The following TM6SF1 variants were observed in gnomAD, a reference collection of about 807,000 sequenced individuals.
The protein encoded by TM6SF1 is transmembrane 6 superfamily member 1.
Under a neutral mutation model 47.1 loss-of-function variants are expected in TM6SF1, and 43 were observed. That is an observed-to-expected ratio of 0.91 (90% CI 0.72 to 1.18). TM6SF1 has a LOEUF of 1.18. Ranked by LOEUF, TM6SF1 falls within the 50% of genes most tolerant of loss-of-function variation. TM6SF1 has a pLI of 0.00. For synonymous variants in TM6SF1, 177 were observed against 166.3 expected (o/e 1.06, Z -0.49); for missense variants, 390 against 449.0 (o/e 0.87, Z 1.19).
intron 3 of TM6SF1, among the ~76,000 whole-genome samples, chr15:83,117,506 G>A (rs148979817): frequency 6.6e-6 from 1 of 152,206 alleles, no homozygotes. Flanking sequence ...TGGACCATGG[G>A]GGGCAGGCCA....
At chr15:83,115,202 C>G (rs1408825388) in intron 2 of TM6SF1, 2 of 166,912 alleles carry the variant, frequency 1.2e-5, no homozygotes, top group Non-Finnish European at 2.6e-5. Context: ...ACTGCAACCT[C>G]CGCCTCCTGG....
At chr15:83,119,300 G>A (rs2034997079) in intron 3 of TM6SF1, among the ~76,000 whole-genome samples, 1 of 152,228 alleles carries the variant, frequency 6.6e-6, no homozygotes, top group Admixed American at 6.5e-5. Context: ...TGCCTATCAT[G>A]CCATCTGCCT....
intron 1 of TM6SF1, chr15:83,111,452 TCCATCCTTTCATCCATCATCCATCCAA>T: frequency 5.6e-6 from 1 of 179,486 alleles, no homozygotes; most frequent in Non-Finnish European, 1.1e-5. Context: ...CCATCATCTA[TCCATCCTTTCATCCATCATCCATCCAA>T]CCATTCACCC....
chr15:83,107,754 A>G lies in TM6SF1; in HGVS notation c.74A>G (p.His25Arg). The change falls in exon 1 of 10, where the codon CAC (histidine) becomes CGC (arginine). Residue 25 changes from histidine (H) to arginine (R), a missense_variant. His to Arg is a conservative substitution (Grantham distance 29). Coordinates refer to ENST00000322019, the MANE Select transcript of TM6SF1 (RefSeq NM_023003.5). This position sits in a 1 kb window ranked among gnomAD's most constrained non-coding sequence, Gnocchi z 5.6. ...SAIPVTYVFNHLAAQHDSWTI... is the reference protein window; with the variant it reads ...SAIPVTYVFNRLAAQHDSWTI... ...ATCCCGGTCACCTATGTCTTCAACC[A>G]CCTGGCGGCCCAGCATGAGTGAGTG... 1 of 1,582,164 alleles carries G rather than the reference A, an allele frequency of 6.3e-7. No individual in the cohort carries two copies. The highest frequency in any genetic ancestry group is 1.4e-5 in the African/African-American group (1 of 71,354).
chr15:83,131,026 G>T (rs1299869849), intron 9 of TM6SF1: 1 of 152,206 alleles, frequency 6.6e-6, no homozygotes, highest in Non-Finnish European at 1.5e-5. Context: ...GGAGGCAGAG[G>T]TTGCAGTGAG....
In TM6SF1 at chr15:83,136,788, TTGCTC is replaced by T; in HGVS notation, c.*120_*124del. 1 of 900,122 alleles carries T rather than the reference TTGCTC, an allele frequency of 1.1e-6. No homozygotes were observed. The highest frequency in any genetic ancestry group is 1.8e-5 in the South Asian group (1 of 55,132). The allele number at this position is 900,122 out of a possible 1,614,324, so 55.8% of individuals were successfully genotyped here. A position where few individuals can be genotyped will look rare whatever the true frequency, so the allele number is the denominator to read the frequency against. ...TGAGTACTTAAGAATATGTACATTC[TTGCTC>T]TGCACTGTATGTGTGAGCTATATGG... On this transcript the variant is annotated 3_prime_UTR_variant, in exon 10 of 10. Coordinates refer to ENST00000322019, the MANE Select transcript of TM6SF1 (RefSeq NM_023003.5).
chr15:83,125,713 C>T (rs763184435), intron 7 of TM6SF1, among the ~76,000 whole-genome samples: 13 of 152,182 alleles, frequency 8.5e-5, no homozygotes, highest in Admixed American at 7.2e-4. Flanking sequence ...TGTTGGCGCG[C>T]GTAACAGTTG....
intron 9 of TM6SF1, chr15:83,129,241 C>T (rs770713502): frequency 6.6e-6 from 1 of 152,180 alleles, no homozygotes; most frequent in East Asian, 1.9e-4. Flanking sequence ...AGGCAAACCA[C>T]GTTAAAAGTT....
At chr15:83,124,500 T>C (rs2151370457) in intron 6 of TM6SF1, among the ~76,000 whole-genome samples, 172 bp from the exon 7 acceptor site, 1 of 152,208 alleles carries the variant, frequency 6.6e-6, no homozygotes, top group East Asian at 1.9e-4. Flanking sequence ...GATAAGGAAA[T>C]TGAGACTTGA....
At chr15:83,109,623 C>T (rs2033963505) in intron 1 of TM6SF1, among the ~76,000 whole-genome samples, 1 of 152,124 alleles carries the variant, frequency 6.6e-6, no homozygotes, top group African/African-American at 2.4e-5. Context: ...GTGTCTGTTC[C>T]CTCCTTTCAG....
chr15:83,115,552 G>T, intron 2 of TM6SF1: 2 of 529,236 alleles, frequency 3.8e-6, no homozygotes, highest in Non-Finnish European at 7.2e-6. Flanking sequence ...AGGATGGGTG[G>T]AGTTGGCCTG....
chr15:83,121,768 G>C (rs1041778334), intron 4 of TM6SF1, 153 bp from the exon 5 acceptor site: 5 of 617,400 alleles, frequency 8.1e-6, no homozygotes, highest in Non-Finnish European at 5.6e-6. Flanking sequence ...CATAACCAGG[G>C]CTCCTTGTGT....
chr15:83,127,886 C>T (rs2035908516), intron 9 of TM6SF1: 1 of 178,542 alleles, frequency 5.6e-6, no homozygotes, highest in South Asian at 1.2e-4. Flanking sequence ...CTATGCTATA[C>T]AGAACCAGGG....
rs770527747 is a variant in TM6SF1, at chr15:83,126,864, G to A, written c.801+17G>A. The A allele has an allele frequency of 1.9e-6, 3 of 1,578,548 alleles. No individual in the cohort carries two copies. The highest frequency in any genetic ancestry group is 1.4e-5 in the African/African-American group (1 of 73,078). ...AAAATTCAGGTCAAGTAGTTATGAAGCCTAAGATTTTTCTAAAATTAATTT... is the reference window on the plus strand; with the variant it reads ...AAAATTCAGGTCAAGTAGTTATGAAACCTAAGATTTTTCTAAAATTAATTT... On this transcript the variant is annotated intron_variant, in intron 8 of 9. Transcript: ENST00000322019.
chr15:83,120,466 C>A (rs1399886912), intron 4 of TM6SF1, among the ~76,000 whole-genome samples: 1 of 152,184 alleles, frequency 6.6e-6, no homozygotes, highest in Admixed American at 6.5e-5. Flanking sequence ...TCTTCTCAGG[C>A]CTCCACTTGC....
intron 1 of TM6SF1, among the ~76,000 whole-genome samples, chr15:83,109,734 C>CA (rs1299759761): frequency 6.6e-6 from 1 of 152,152 alleles, no homozygotes; most frequent in Non-Finnish European, 1.5e-5. Context: ...CTCGGCCCCC[C>CA]AGTCCCAGCC....
chr15:83,122,645 T>A, intron 5 of TM6SF1, 112 bp from the exon 6 acceptor site: 1 of 1,172,038 alleles, frequency 8.5e-7, no homozygotes, highest in Non-Finnish European at 1.2e-6. Context: ...ATTAAAAATA[T>A]TGTCTGGCCC....
Position 83,124,691 on chromosome 15 carries a change from C to T in TM6SF1, c.623C>T (p.Ala208Val), listed in dbSNP as rs188351862. The change falls in exon 7 of 10, where the codon GCG becomes GTG. Residue 208 changes from alanine to valine, a missense_variant. Transcript: ENST00000322019. ...TTTTAGGTTATTCAAGAAGCCCAAGCGAAAGACCTGCTGAGAAGACCATTT... is the reference window on the plus strand; with the variant it reads ...TTTTAGGTTATTCAAGAAGCCCAAGTGAAAGACCTGCTGAGAAGACCATTT... ...YPSKVIQEAQ[A>V]KDLLRRPFDL... 156 of 1,613,988 alleles carry T rather than the reference C, an allele frequency of 9.7e-5. No homozygotes were observed. In the East Asian group the frequency reaches 1.2e-3, roughly 12 times the overall value.
rs926632702 is a variant in TM6SF1 at position 83,119,820 on chromosome 15, C to G, written c.398+139C>G. 6 of 1,395,174 alleles carry G rather than the reference C, an allele frequency of 4.3e-6. No individual in the cohort carries two copies. The African/African-American group carries it at 5.7e-5, about 13-fold the overall frequency. 86.4% of individuals were successfully genotyped at this position (1,395,174 alleles called of 1,614,324 possible). A position where few individuals can be genotyped will look rare whatever the true frequency, so the allele number is the denominator to read the frequency against. On this transcript the variant is annotated intron_variant, in intron 4 of 9. Coordinates refer to ENST00000322019, the MANE Select transcript of TM6SF1 (RefSeq NM_023003.5). ...ATAAGTTCCATGGGTGCACGTCAGA[C>G]GTGGCTTTATCCTCCTTGTACCACT...
Sources: allele counts gnomAD v4.1 joint callset (sites outside exome capture counted in the v4.1 genomes callset), GRCh38; gene constraint gnomAD v4.1.1; non-coding constraint Gnocchi (gnomAD v3.1); transcripts MANE v1.5; gene names NCBI Gene and HGNC (gene_info 2026-07-23, HGNC 2026-07-21).